Variants in NKAIN2 observed in about 807,000 individuals in gnomAD.
The protein encoded by NKAIN2 is sodium/potassium transporting ATPase interacting 2.
NKAIN2 carries 14 observed loss-of-function variants against 32.6 expected under a neutral mutation model. The observed-to-expected ratio is 0.43, with a 90% CI of 0.28 to 0.67. The LOEUF is 0.67. NKAIN2 is among the 30% of genes least tolerant of loss of function. The probability of loss-of-function intolerance (pLI) is 0.17; values close to 1 mark genes in which losing one functional copy is unlikely to be tolerated. For missense variants in NKAIN2, 198 were observed against 258.3 expected (o/e 0.77, Z 1.60); for synonymous variants, 80 against 87.2 (o/e 0.92, Z 0.46).
chr6:124,616,479 T>G (rs368186854), intron 3 of NKAIN2, among the ~76,000 whole-genome samples: 1 of 38,486 alleles, frequency 2.6e-5, no homozygotes, highest in African/African-American at 8.0e-5. Flanking sequence ...TTTTTTTTTT[T>G]TTTTTTTTTT....
intron 3 of NKAIN2, among the ~76,000 whole-genome samples, chr6:124,621,311 G>A (rs569487101): frequency 5.9e-5 from 9 of 152,276 alleles, no homozygotes; most frequent in African/African-American, 1.4e-4. Context: ...AGTGCCTTCC[G>A]TAGTGTATCA....
intron 1 of NKAIN2, among the ~76,000 whole-genome samples, chr6:123,822,068 T>C (rs1419760004): frequency 2.0e-5 from 3 of 152,114 alleles, no homozygotes; most frequent in Non-Finnish European, 4.4e-5. Flanking sequence ...AATTAAGAAC[T>C]AAAGAACTAT....
intron 1 of NKAIN2, among the ~76,000 whole-genome samples, chr6:124,024,205 A>G (rs995146690): frequency 1.3e-5 from 2 of 152,150 alleles, no homozygotes; most frequent in Non-Finnish European, 2.9e-5. Flanking sequence ...TTTGTTTCAG[A>G]CAGATTATAT....
chr6:123,980,547 C>A (rs1336088039), intron 1 of NKAIN2, among the ~76,000 whole-genome samples: 1 of 152,180 alleles, frequency 6.6e-6, no homozygotes. Flanking sequence ...TAAATGCCAG[C>A]AGTTTATACC....
intron 3 of NKAIN2, among the ~76,000 whole-genome samples, chr6:124,528,803 G>A (rs1233868054): frequency 6.6e-6 from 1 of 152,072 alleles, no homozygotes; most frequent in Non-Finnish European, 1.5e-5. Flanking sequence ...GCAGAACCTA[G>A]CAATGAAAAT....
chr6:123,883,437 A>G (rs1411557110), intron 1 of NKAIN2, among the ~76,000 whole-genome samples: 4 of 150,144 alleles, frequency 2.7e-5, no homozygotes, highest in Admixed American at 1.3e-4. Context: ...GAGCCACTGC[A>G]CCCGGCGTGA....
At chr6:124,174,460 G>A (rs1378404980) in intron 1 of NKAIN2, among the ~76,000 whole-genome samples, 1 of 152,130 alleles carries the variant, frequency 6.6e-6, no homozygotes, top group East Asian at 1.9e-4. Context: ...TAAGTACAAT[G>A]AAGAAAAACT....
intron 1 of NKAIN2, among the ~76,000 whole-genome samples, chr6:124,200,747 C>A (rs1188545624): frequency 6.6e-6 from 1 of 151,988 alleles, no homozygotes; most frequent in African/African-American, 2.4e-5. Flanking sequence ...TCATTACCTT[C>A]TTTTTTCTTT....
At chr6:124,303,217 G>A (rs1796368910) in intron 2 of NKAIN2, among the ~76,000 whole-genome samples, 1 of 152,178 alleles carries the variant, frequency 6.6e-6, no homozygotes, top group Admixed American at 6.5e-5. Context: ...ATTTTAAATA[G>A]ATTTTAAACA....
chr6:123,808,019 T>A, intron 1 of NKAIN2, among the ~76,000 whole-genome samples: 1 of 152,276 alleles, frequency 6.6e-6, no homozygotes, highest in Non-Finnish European at 1.5e-5. Flanking sequence ...CCTTAAGATG[T>A]TGTGAGTGTA....
At chr6:124,281,052 A>G (rs116656750) in intron 1 of NKAIN2, among the ~76,000 whole-genome samples, 3,454 of 152,256 alleles carry the variant, frequency 0.023, 60 homozygotes, top group East Asian at 0.087. Flanking sequence ...TATATTTTTT[A>G]TAATTAATAG....
At chr6:123,876,756 AT>A (rs1773190080) in intron 1 of NKAIN2, among the ~76,000 whole-genome samples, 1 of 152,196 alleles carries the variant, frequency 6.6e-6, no homozygotes, top group African/African-American at 2.4e-5. Flanking sequence ...GCCCACCCAC[AT>A]TGGGGAGGGC....
intron 1 of NKAIN2, among the ~76,000 whole-genome samples, chr6:124,067,341 G>A (rs1459157691): frequency 2.0e-5 from 3 of 152,202 alleles, no homozygotes; most frequent in East Asian, 3.9e-4. Flanking sequence ...GTTCTCCTAC[G>A]TCTGTCTATA....
chr6:124,410,141 C>T (rs927165849), intron 3 of NKAIN2, among the ~76,000 whole-genome samples: 1 of 152,072 alleles, frequency 6.6e-6, no homozygotes, highest in Non-Finnish European at 1.5e-5. Flanking sequence ...TTTCAAAAAA[C>T]CAGCTCCTGG....
chr6:124,469,358 G>T (rs376126760), intron 3 of NKAIN2, among the ~76,000 whole-genome samples: 2 of 152,128 alleles, frequency 1.3e-5, no homozygotes, highest in African/African-American at 4.8e-5. Context: ...ATTCTGCTCA[G>T]CAGGGTTTCT....
intron 1 of NKAIN2, among the ~76,000 whole-genome samples, chr6:124,171,939 A>C (rs1273631496): frequency 6.7e-6 from 1 of 150,336 alleles, no homozygotes; most frequent in Non-Finnish European, 1.5e-5. Flanking sequence ...CAGCCTCCCA[A>C]GCAACTGGTA....
intron 1 of NKAIN2, among the ~76,000 whole-genome samples, chr6:124,026,161 T>A (rs940255788): frequency 5.3e-5 from 8 of 152,058 alleles, no homozygotes; most frequent in African/African-American, 1.9e-4. Flanking sequence ...AGTTTGGGGG[T>A]TTTTGGGTCT....
At chr6:124,205,735 A>G (rs1790842696) in intron 1 of NKAIN2, among the ~76,000 whole-genome samples, 1 of 151,804 alleles carries the variant, frequency 6.6e-6, no homozygotes, top group Admixed American at 6.6e-5. Flanking sequence ...TAAGAAAGTA[A>G]AGAAGGAAAG....
chr6:124,076,393 C>T (rs1490589318), intron 1 of NKAIN2, among the ~76,000 whole-genome samples: 3 of 152,004 alleles, frequency 2.0e-5, no homozygotes, highest in African/African-American at 4.8e-5. Flanking sequence ...CCCCAAGGAC[C>T]CTCTTCATTT....
Sources: gnomAD v4.1 joint callset for allele counts (sites outside exome capture counted in the v4.1 genomes callset) on GRCh38, gnomAD v4.1.1 for gene constraint, MANE v1.5 for transcripts, NCBI Gene and HGNC (gene_info 2026-07-23, HGNC 2026-07-21) for gene names.